The following LRRC1 variants were observed in gnomAD, a reference collection of about 807,000 sequenced individuals.
LRRC1 encodes the protein leucine rich repeat containing 1.
LRRC1 carries 28 observed loss-of-function variants against 69.9 expected under a neutral mutation model. That is an observed-to-expected ratio of 0.40 (90% CI 0.30 to 0.55). The LOEUF is 0.55. LRRC1 is among the 20% of genes least tolerant of loss of function. The pLI is 0.47. For missense variants in LRRC1, 498 were observed against 609.0 expected, an observed-to-expected ratio of 0.82 and a Z score of 1.92; for synonymous variants, 236 against 240.2, an observed-to-expected ratio of 0.98 and a Z score of 0.16.
At chr6:53,902,531 T>G in intron 8 of LRRC1, 98 bp from the exon 9 acceptor site, 1 of 686,040 alleles carries the variant, frequency 1.5e-6, no homozygotes, top group South Asian at 2.8e-5. Flanking sequence ...AGTAACTGTT[T>G]AAAACAAAAA....
At chr6:53,870,040 G>A (rs534889227) in intron 2 of LRRC1, among the ~76,000 whole-genome samples, 81 of 152,358 alleles carry the variant, frequency 5.3e-4, no homozygotes, top group South Asian at 1.2e-3. Flanking sequence ...CAGGAGACTT[G>A]CGTTCTGTTT....
Position 53,801,688 on chromosome 6 carries a change from A to G in LRRC1, c.159+6273A>G, listed in dbSNP as rs146553969. Among the ~76,000 whole-genome samples, 28 of 152,136 alleles carry G rather than the reference A, an allele frequency of 1.8e-4. No homozygotes were observed. The East Asian group carries it at 4.8e-3, about 26-fold the overall frequency. On this transcript the variant is annotated intron_variant, in intron 1 of 13. Coordinates refer to ENST00000370888, the MANE Select transcript of LRRC1 (RefSeq NM_018214.5). ...AAAACTGAGACCTAGAGAAGTTGTC[A>G]TTTGTCTGGGGTTAGTGGAGATTAG...
At chr6:53,878,564 G>T (rs914204333) in intron 2 of LRRC1, among the ~76,000 whole-genome samples, 6 of 152,166 alleles carry the variant, frequency 3.9e-5, no homozygotes, top group African/African-American at 9.6e-5. Context: ...TCTAATGTGG[G>T]CGCTGATCTG....
At chr6:53,805,961 C>A (rs1305330975) in intron 1 of LRRC1, among the ~76,000 whole-genome samples, 1 of 152,248 alleles carries the variant, frequency 6.6e-6, no homozygotes, top group East Asian at 1.9e-4. Context: ...CCTTGTGTTT[C>A]AGCCCCAGTT....
chr6:53,857,315 G>A (rs967726304), intron 2 of LRRC1, among the ~76,000 whole-genome samples: 2 of 152,188 alleles, frequency 1.3e-5, no homozygotes, highest in African/African-American at 2.4e-5. Context: ...AGGAACAGCA[G>A]GAAGACTGGT....
intron 4 of LRRC1, among the ~76,000 whole-genome samples, chr6:53,883,362 A>C (rs1005408209): frequency 1.1e-4 from 17 of 152,232 alleles, no homozygotes. Context: ...AACTCCATTA[A>C]AAACGAAAAG....
intron 4 of LRRC1, among the ~76,000 whole-genome samples, chr6:53,890,568 T>A (rs1350624891): frequency 1.3e-5 from 2 of 152,184 alleles, no homozygotes; most frequent in African/African-American, 4.8e-5. Context: ...AAGGAGTAAA[T>A]CCTTTTTTTG....
chr6:53,844,279 T>A (rs1765872887), intron 2 of LRRC1, among the ~76,000 whole-genome samples: 1 of 152,240 alleles, frequency 6.6e-6, no homozygotes. Context: ...GTCACGAAAG[T>A]CACAAAATCT....
chr6:53,872,431 G>A (rs548338139), intron 2 of LRRC1, among the ~76,000 whole-genome samples: 40 of 152,144 alleles, frequency 2.6e-4, no homozygotes, highest in Non-Finnish European at 2.6e-4. Context: ...TATTTCACTG[G>A]TCTATGTATC....
chr6:53,887,190 A>T (rs1189464672), intron 4 of LRRC1, among the ~76,000 whole-genome samples: 1 of 151,202 alleles, frequency 6.6e-6, no homozygotes, highest in Non-Finnish European at 1.5e-5. Flanking sequence ...AGCAACTATT[A>T]AAAAAAAACA....
Position 53,876,910 on chromosome 6 carries a change from G to A in LRRC1, c.278-2083G>A, listed in dbSNP as rs183425505. Among the ~76,000 whole-genome samples the A allele has an allele frequency of 8.7e-4, 133 of 152,292 alleles. 1 individual carries two copies. The highest frequency in any genetic ancestry group is 1.8e-3 in the Admixed American group (28 of 15,304). On this transcript the variant is annotated intron_variant, in intron 2 of 13. Transcript: ENST00000370888. ...CCATTCTGGGGTCTGGAGAATAACG[G>A]CCCTCTTCTCGCAGTTCCACTAGGC...
At chr6:53,832,535 G>A (rs766417284) in intron 1 of LRRC1, among the ~76,000 whole-genome samples, 5 of 152,052 alleles carry the variant, frequency 3.3e-5, no homozygotes, top group African/African-American at 7.2e-5. Flanking sequence ...ATTGAAAATC[G>A]CACATCAAAA....
intron 1 of LRRC1, among the ~76,000 whole-genome samples, chr6:53,821,888 T>C (rs977513999): frequency 9.2e-5 from 14 of 152,086 alleles, no homozygotes; most frequent in Non-Finnish European, 1.6e-4. Flanking sequence ...AGTTTTTTTT[T>C]TTTTTTTCCT....
chr6:53,920,961 G>GTTT (rs201940946), intron 13 of LRRC1, among the ~76,000 whole-genome samples, 200 bp downstream of exon 13: 1 of 147,688 alleles, frequency 6.8e-6, no homozygotes, highest in African/African-American at 2.5e-5. Flanking sequence ...GAACTCATGG[G>GTTT]TTTTTTTTTT....
chr6:53,903,547 ACT>A (rs1310626028), intron 9 of LRRC1, among the ~76,000 whole-genome samples: 2 of 146,726 alleles, frequency 1.4e-5, no homozygotes, highest in Non-Finnish European at 3.0e-5. Flanking sequence ...TTTTTTTTTT[ACT>A]CTCTTTTCCC....
chr6:53,892,302 A>G (rs1435397224), intron 4 of LRRC1, among the ~76,000 whole-genome samples: 1 of 152,114 alleles, frequency 6.6e-6, no homozygotes, highest in Non-Finnish European at 1.5e-5. Context: ...AGTTGCCAGT[A>G]TTATTATTAT....
At chr6:53,897,739 T>C (rs1034328755) in intron 7 of LRRC1, among the ~76,000 whole-genome samples, 1 of 152,198 alleles carries the variant, frequency 6.6e-6, no homozygotes, top group Admixed American at 6.5e-5. Flanking sequence ...AATTTGACCA[T>C]GTTTTGCCCC....
At chr6:53,831,523 G>T (rs560887713) in intron 1 of LRRC1, among the ~76,000 whole-genome samples, 3 of 152,288 alleles carry the variant, frequency 2.0e-5, no homozygotes, top group African/African-American at 7.2e-5. Flanking sequence ...GTTAAGAGAT[G>T]AATTCTTGGC....
At chr6:53,860,568 G>C (rs917647830) in intron 2 of LRRC1, among the ~76,000 whole-genome samples, 2 of 151,976 alleles carry the variant, frequency 1.3e-5, no homozygotes, top group African/African-American at 2.4e-5. Flanking sequence ...AGATGTACTT[G>C]TATTATAGTA....
Sources: gnomAD v4.1 joint callset for allele counts (sites outside exome capture counted in the v4.1 genomes callset) on GRCh38, gnomAD v4.1.1 for gene constraint, MANE v1.5 for transcripts, NCBI Gene and HGNC (gene_info 2026-07-23, HGNC 2026-07-21) for gene names.